The following TRIM44 variants were observed in gnomAD, a reference collection of about 807,000 sequenced individuals.
TRIM44 encodes the protein tripartite motif containing 44, also known as tripartite motif-containing protein 44.
TRIM44 carries 13 observed loss-of-function variants against 37.4 expected under a neutral mutation model. The ratio of observed to expected loss-of-function variants is 0.35; its 90% CI spans 0.23 to 0.55. The LOEUF (loss-of-function observed/expected upper bound fraction) is 0.55, where lower values mean the gene tolerates loss of function less well. TRIM44 is among the 20% of genes least tolerant of loss of function. TRIM44 has a pLI of 0.89. For missense variants in TRIM44, 426 were observed against 437.2 expected (o/e 0.97, Z 0.23); for synonymous variants, 175 against 157.2 (o/e 1.11, Z -0.85).
chr11:35,782,847 AAGTC>A (rs1214249946), intron 4 of TRIM44, among the ~76,000 whole-genome samples: 4 of 152,202 alleles, frequency 2.6e-5, no homozygotes, highest in African/African-American at 9.6e-5. Context: ...GGGAATGCCT[AAGTC>A]AGCCAATCAG....
chr11:35,800,063 G>A (rs568308304), intron 4 of TRIM44, among the ~76,000 whole-genome samples: 10 of 6,904 alleles, frequency 1.4e-3, no homozygotes, highest in Non-Finnish European at 7.4e-3. Context: ...TCTTGATCTC[G>A]CTGACTTTCA....
intron 4 of TRIM44, among the ~76,000 whole-genome samples, chr11:35,773,690 C>T (rs1852907515): frequency 6.6e-6 from 1 of 152,126 alleles, no homozygotes; most frequent in Non-Finnish European, 1.5e-5. Flanking sequence ...TCTCATTGTT[C>T]AGTTCCTACC....
At chr11:35,802,522 G>A (rs1278123645) in intron 4 of TRIM44, among the ~76,000 whole-genome samples, 4 of 152,136 alleles carry the variant, frequency 2.6e-5, no homozygotes, top group African/African-American at 9.7e-5. Context: ...CAGTATATAT[G>A]GAAGTTAAGG....
intron 4 of TRIM44, among the ~76,000 whole-genome samples, chr11:35,800,321 T>C (rs1392162960): frequency 6.6e-6 from 1 of 152,194 alleles, no homozygotes; most frequent in Admixed American, 6.5e-5. Flanking sequence ...AAAGCTTCCA[T>C]GCTGTGGAAG....
At chr11:35,750,990 T>C (rs906375071) in intron 4 of TRIM44, among the ~76,000 whole-genome samples, 1 of 151,674 alleles carries the variant, frequency 6.6e-6, no homozygotes. Flanking sequence ...TCACCATAAA[T>C]AAGTTTTATG....
chr11:35,673,492 A>G (rs1452681986), intron 1 of TRIM44, among the ~76,000 whole-genome samples: 1 of 152,238 alleles, frequency 6.6e-6, no homozygotes, highest in Non-Finnish European at 1.5e-5. Context: ...ATACTGCTCT[A>G]TGGAGGGAAT....
At chr11:35,724,758 T>A (rs560851144) in intron 2 of TRIM44, among the ~76,000 whole-genome samples, 1 of 152,292 alleles carries the variant, frequency 6.6e-6, no homozygotes, top group East Asian at 1.9e-4. Context: ...CCCATGATAG[T>A]AAAAGTTTAA....
At chr11:35,804,285 A>C (rs1853417855) in intron 4 of TRIM44, among the ~76,000 whole-genome samples, 1 of 152,212 alleles carries the variant, frequency 6.6e-6, no homozygotes, top group South Asian at 2.1e-4. Context: ...CCTTTTCCCC[A>C]AGCCACTCTC....
chr11:35,771,747 C>G (rs1457748767), intron 4 of TRIM44, among the ~76,000 whole-genome samples: 1 of 149,608 alleles, frequency 6.7e-6, no homozygotes, highest in Admixed American at 6.7e-5. Flanking sequence ...AAAAAAAAAG[C>G]ATTTAGTTTT....
intron 4 of TRIM44, among the ~76,000 whole-genome samples, chr11:35,763,859 C>T (rs1852759258): frequency 6.6e-6 from 1 of 152,294 alleles, no homozygotes; most frequent in African/African-American, 2.4e-5. Flanking sequence ...CTTGGGAAGA[C>T]ACAGGGCCTG....
At position 35,663,100 on chromosome 11, in the gene TRIM44, C is replaced by T; in HGVS notation, c.-12C>T. On this transcript the variant is annotated 5_prime_UTR_variant, in exon 1 of 5. Transcript: ENST00000299413. ...CGGGGCCCCGAGGCCTTGGCCGCGT[C>T]ACAGCACCCACATGGCCTCTGGAGT... 2 of 1,501,070 alleles carry T rather than the reference C, an allele frequency of 1.3e-6. No individual in the cohort carries two copies. Among genetic ancestry groups the T allele is most frequent in the Non-Finnish European group, 1.8e-6 (2 of 1,130,786 alleles). The allele number at this position is 1,501,070 out of a possible 1,614,324, so 93.0% of individuals were successfully genotyped here.
At chr11:35,788,977 T>C (rs1339592353) in intron 4 of TRIM44, among the ~76,000 whole-genome samples, 3 of 152,238 alleles carry the variant, frequency 2.0e-5, no homozygotes, top group Admixed American at 2.0e-4. Flanking sequence ...TATTTCAGCC[T>C]GAGGCCCTAA....
chr11:35,735,322 A>T (rs1246203311), intron 3 of TRIM44, 104 bp from the exon 4 acceptor site: 1 of 1,034,230 alleles, frequency 9.7e-7, no homozygotes, highest in Non-Finnish European at 1.5e-6. Context: ...ATAAATGTAT[A>T]GTCCATGCAT....
chr11:35,728,534 G>A (rs1002448092), intron 3 of TRIM44, among the ~76,000 whole-genome samples: 12 of 152,114 alleles, frequency 7.9e-5, no homozygotes, highest in Admixed American at 2.0e-4. Flanking sequence ...CAGAGATAGC[G>A]TTCAGCCACT....
chr11:35,806,130 C>G (rs867736571), intron 4 of TRIM44, among the ~76,000 whole-genome samples: 4 of 152,256 alleles, frequency 2.6e-5, no homozygotes, highest in Middle Eastern at 6.8e-3. Flanking sequence ...ATTTAATCCT[C>G]TAGTAACTCA....
At position 35,813,684 on chromosome 11, in the gene TRIM44, A is replaced by G. The variant is rs1853551198; in HGVS notation, c.*7299A>G. ...ATGGGACAATATTCTATTTAAAATG[A>G]TGACCCTGTGCACCATACATAAAAA... is the stretch of plus-strand genomic sequence containing the variant. On this transcript the variant is annotated 3_prime_UTR_variant, in exon 5 of 5. Transcript: ENST00000299413. 2 of 152,178 alleles carry G rather than the reference A, an allele frequency of 1.3e-5. No individual in the cohort carries two copies. The highest frequency in any genetic ancestry group is 4.1e-4 in the South Asian group (2 of 4,826). 9.4% of individuals were successfully genotyped at this position (152,178 alleles called of 1,614,324 possible). A position where few individuals can be genotyped will look rare whatever the true frequency, so the allele number is the denominator to read the frequency against.
At chr11:35,713,527 G>A (rs1852004684) in intron 2 of TRIM44, among the ~76,000 whole-genome samples, 1 of 147,122 alleles carries the variant, frequency 6.8e-6, no homozygotes, top group Admixed American at 6.8e-5. Context: ...TGGTGAAAGA[G>A]CACAAATATT....
intron 4 of TRIM44, among the ~76,000 whole-genome samples, chr11:35,739,486 T>C (rs1564989282): frequency 1.3e-5 from 2 of 152,184 alleles, no homozygotes; most frequent in African/African-American, 4.8e-5. Context: ...ATATGACTGG[T>C]CTTGTTCCTC....
intron 4 of TRIM44, among the ~76,000 whole-genome samples, chr11:35,785,075 C>G (rs1201870396): frequency 6.6e-6 from 1 of 152,174 alleles, no homozygotes; most frequent in Non-Finnish European, 1.5e-5. Context: ...TTGTCCTGTA[C>G]TGACTGAAAT....
Sources: gnomAD v4.1 joint callset for allele counts (sites outside exome capture counted in the v4.1 genomes callset) on GRCh38, gnomAD v4.1.1 for gene constraint, MANE v1.5 for transcripts, NCBI Gene and HGNC (gene_info 2026-07-23, HGNC 2026-07-21) for gene names.